The following FRYL variants were observed in gnomAD, a reference collection of about 807,000 sequenced individuals.
The protein encoded by FRYL is protein furry homolog-like.
FRYL carries 150 observed loss-of-function variants against 351.2 expected under a neutral mutation model. The ratio of observed to expected loss-of-function variants is 0.43; its 90% confidence interval spans 0.37 to 0.49. The LOEUF (loss-of-function observed/expected upper bound fraction) is 0.49. FRYL is among the 20% of genes least tolerant of loss of function. The pLI, the probability that FRYL is intolerant of heterozygous loss-of-function variation, is 0.00. For synonymous variants in FRYL, 1,153 were observed against 1,257.1 expected (o/e 0.92, Z 1.75); for missense variants, 3,036 against 3,619.3 (o/e 0.84, Z 4.13).
intron 4 of FRYL, 131 bp downstream of exon 4, chr4:48,634,160 G>A: frequency 1.4e-6 from 1 of 690,446 alleles, no homozygotes; most frequent in South Asian, 2.0e-5. Context: ...TAAAGTCAGT[G>A]CAGCTTTCTA....
At chr4:48,752,604 A>G (rs1307786643) in intron 1 of FRYL, among the ~76,000 whole-genome samples, 1 of 152,206 alleles carries the variant, frequency 6.6e-6, no homozygotes, top group Non-Finnish European at 1.5e-5. Context: ...AAGAGTCATG[A>G]TATCTGTAAG....
chr4:48,709,398 G>C (rs1767767472), intron 2 of FRYL, among the ~76,000 whole-genome samples: 1 of 152,154 alleles, frequency 6.6e-6, no homozygotes, highest in Non-Finnish European at 1.5e-5. Context: ...TGAAATGAAG[G>C]AAAGTCCTCA....
chr4:48,760,084 G>T (rs887461217), intron 1 of FRYL, among the ~76,000 whole-genome samples: 5 of 151,912 alleles, frequency 3.3e-5, no homozygotes, highest in Admixed American at 3.3e-4. Context: ...TATTTTTGGA[G>T]ACTTTAAATA....
intron 12 of FRYL, 104 bp from the exon 13 acceptor site, chr4:48,602,225 T>C (rs1377632370): frequency 1.6e-6 from 1 of 639,802 alleles, no homozygotes; most frequent in Non-Finnish European, 2.8e-6. Flanking sequence ...AAACAAATCT[T>C]TTAAGCAGTT....
chr4:48,535,951 T>C, intron 47 of FRYL, 124 bp from the exon 48 acceptor site: 1 of 703,534 alleles, frequency 1.4e-6, no homozygotes, highest in Admixed American at 3.7e-5. Flanking sequence ...TGCATTTTAC[T>C]TCAATACGTT....
intron 5 of FRYL, 146 bp downstream of exon 5, chr4:48,622,980 A>T: frequency 1.3e-5 from 8 of 597,664 alleles, no homozygotes; most frequent in East Asian, 6.7e-5. Context: ...CTACTTATTT[A>T]AAAAAACTAT....
chr4:48,546,023 C>T, intron 42 of FRYL, 44 bp downstream of exon 42: 1 of 1,540,194 alleles, frequency 6.5e-7, no homozygotes, highest in Non-Finnish European at 8.9e-7. Context: ...GAAAGAATGA[C>T]TTAACACATA....
intron 52 of FRYL, 31 bp from the exon 53 acceptor site, chr4:48,527,684 C>A (rs749041072): frequency 1.9e-6 from 3 of 1,576,602 alleles, no homozygotes; most frequent in Non-Finnish European, 2.6e-6. Flanking sequence ...AAAAAAAAGT[C>A]CATCCATCAG....
intron 1 of FRYL, among the ~76,000 whole-genome samples, chr4:48,715,633 C>G (rs1475372023): frequency 6.6e-6 from 1 of 151,734 alleles, no homozygotes; most frequent in Admixed American, 6.6e-5. Context: ...AGGATACAAA[C>G]AAATGGAAGA....
intron 62 of FRYL, 59 bp downstream of exon 62, chr4:48,501,564 T>C (rs1719665752): frequency 1.1e-6 from 1 of 933,370 alleles, no homozygotes; most frequent in Non-Finnish European, 1.7e-6. Flanking sequence ...AAGTAATAGA[T>C]TTTATTTTAA....
intron 34 of FRYL, 22 bp from the exon 35 acceptor site, chr4:48,557,140 G>C: frequency 6.4e-7 from 1 of 1,563,584 alleles, no homozygotes; most frequent in Non-Finnish European, 8.7e-7. Context: ...ATGCACAAAA[G>C]ATACTTCAGT....
chr4:48,533,702 C>T (rs188056049), intron 49 of FRYL, among the ~76,000 whole-genome samples: 4 of 152,260 alleles, frequency 2.6e-5, no homozygotes, highest in East Asian at 1.9e-4. Flanking sequence ...TAGCTCAAAC[C>T]GACAGCTTAA....
intron 49 of FRYL, among the ~76,000 whole-genome samples, chr4:48,533,674 C>T (rs1728205859): frequency 6.6e-6 from 1 of 152,196 alleles, no homozygotes; most frequent in African/African-American, 2.4e-5. Flanking sequence ...CTCAGCAATG[C>T]AAAGCTTTCT....
At chr4:48,641,485 C>A (rs1241559507) in intron 3 of FRYL, among the ~76,000 whole-genome samples, 1 of 152,020 alleles carries the variant, frequency 6.6e-6, no homozygotes, top group Non-Finnish European at 1.5e-5. Flanking sequence ...GGAGAGGGTC[C>A]CAATTTGCAG....
chr4:48,566,315 G>A (rs1344483091), intron 28 of FRYL, among the ~76,000 whole-genome samples: 1 of 152,074 alleles, frequency 6.6e-6, no homozygotes, highest in Non-Finnish European at 1.5e-5. Flanking sequence ...TGATCTCCAA[G>A]GATTTTTTTC....
intron 1 of FRYL, among the ~76,000 whole-genome samples, chr4:48,745,000 T>C (rs1338071792): frequency 2.0e-5 from 3 of 152,288 alleles, no homozygotes; most frequent in South Asian, 4.1e-4. Context: ...AAATTCAGTA[T>C]AGCTAGAATA....
chr4:48,632,129 T>TATATATATATATGC (rs1287765191), intron 4 of FRYL, among the ~76,000 whole-genome samples: 2 of 108,678 alleles, frequency 1.8e-5, no homozygotes, highest in African/African-American at 7.2e-5. Context: ...TATATATATA[T>TATATATATATATGC]GCGCACACAA....
chr4:48,605,952 C>T, intron 10 of FRYL, 119 bp from the exon 11 acceptor site: 1 of 644,606 alleles, frequency 1.6e-6, no homozygotes, highest in Non-Finnish European at 2.7e-6. Context: ...GTCAATGCAT[C>T]TTCAAGTCAA....
At chr4:48,548,559 G>A (rs926558672) in intron 40 of FRYL, 131 bp downstream of exon 40, 2 of 625,612 alleles carry the variant, frequency 3.2e-6, no homozygotes, top group African/African-American at 1.9e-5. Flanking sequence ...AGGAATCATA[G>A]TGAAAAGTGT....
Sources: gnomAD v4.1 joint callset for allele counts (sites outside exome capture counted in the v4.1 genomes callset) on GRCh38, gnomAD v4.1.1 for gene constraint, MANE v1.5 for transcripts, NCBI Gene and HGNC (gene_info 2026-07-23, HGNC 2026-07-21) for gene names.